Variants in ZNF717 observed in about 807,000 individuals in gnomAD.
The protein encoded by ZNF717 is krueppel-like factor X17.
In ZNF717, 9 loss-of-function variants were observed where a neutral mutation model predicts 13.8. That is an observed-to-expected ratio of 0.65 (90% CI 0.39 to 1.14). The LOEUF (loss-of-function observed/expected upper bound fraction) is 1.14. Ranked by LOEUF, ZNF717 falls within the 50% of genes most tolerant of loss-of-function variation. ZNF717 has a pLI of 0.01. For missense variants in ZNF717, 1,040 were observed against 1,080.7 expected, an observed-to-expected ratio of 0.96 and a Z score of 0.53; for synonymous variants, 327 against 364.1, an observed-to-expected ratio of 0.90 and a Z score of 1.16.
intron 2 of ZNF717, among the ~76,000 whole-genome samples, chr3:75,764,078 A>T (rs1326122382): frequency 6.6e-6 from 1 of 152,196 alleles, no homozygotes; most frequent in Non-Finnish European, 1.5e-5. Context: ...GACCCTACAC[A>T]GGATTCCCAG....
At chr3:75,761,269 G>A (rs1456764092) in intron 2 of ZNF717, among the ~76,000 whole-genome samples, 1 of 152,238 alleles carries the variant, frequency 6.6e-6, no homozygotes, top group African/African-American at 2.4e-5. Flanking sequence ...AAAACCAGGA[G>A]GGGACATTCC....
intron 6 of ZNF717, among the ~76,000 whole-genome samples, chr3:75,703,926 A>G (rs530503615): frequency 6.6e-6 from 1 of 152,274 alleles, no homozygotes; most frequent in East Asian, 1.9e-4. Flanking sequence ...GCTGGCCACA[A>G]ATTACAATTG....
downstream of ZNF717, among the ~76,000 whole-genome samples, chr3:75,708,489 A>G (rs1481601566): frequency 3.3e-5 from 5 of 152,204 alleles, no homozygotes; most frequent in African/African-American, 7.2e-5. Context: ...TCAAAGACCA[A>G]AAGTAGATAA....
intron 2 of ZNF717, among the ~76,000 whole-genome samples, chr3:75,781,226 C>G (rs1270177087): frequency 6.6e-6 from 1 of 152,266 alleles, no homozygotes; most frequent in East Asian, 1.9e-4. Context: ...CTTGGCCAAT[C>G]CCAGTGGCCA....
chr3:75,723,516 T>A (rs1273543110), intron 4 of ZNF717, among the ~76,000 whole-genome samples: 1 of 152,274 alleles, frequency 6.6e-6, no homozygotes, highest in African/African-American at 2.4e-5. Context: ...TATGTGAATA[T>A]TAATAATCAT....
rs1355684990 is a variant in ZNF717 at position 75,774,590 on chromosome 3, G to C, written c.57+8716C>G. On this transcript the variant is annotated intron_variant, in intron 2 of 4. Coordinates refer to ENST00000652011, the MANE Select transcript of ZNF717 (RefSeq NM_001290208.3). ...CATCAATCCATTCTAAAATTGTATA[G>C]AATTTCTAAAATTCTTGTGGTTTTT... Among the ~76,000 whole-genome samples the C allele has an allele frequency of 2.1e-5, 3 of 142,748 alleles. No individual in the cohort carries two copies. In the Admixed American group the frequency reaches 2.1e-4, roughly 10 times the overall value. The allele number at this position is 142,748 out of a possible 152,430, so 93.6% of individuals were successfully genotyped here.
At chr3:75,761,246 C>CA (rs1017829517) in intron 2 of ZNF717, among the ~76,000 whole-genome samples, 4 of 152,310 alleles carry the variant, frequency 2.6e-5, no homozygotes, top group Non-Finnish European at 4.4e-5. Flanking sequence ...GCAAAATATT[C>CA]AAAAAATGTT....
In ZNF717 at chr3:75,737,612, C is replaced by G; in HGVS notation, c.2011G>C (p.Gly671Arg). Reference protein sequence around the residue: ...FLTIHQRTHTGKNRMDVMNVE... With the variant: ...FLTIHQRTHTRKNRMDVMNVE... Reference sequence around the variant, plus strand: ...TTCATTACATCCATACGGTTTTTCCCCGTGTGAGTTCTCTGGTGTATGGTG... The same window carrying G: ...TTCATTACATCCATACGGTTTTTCCGCGTGTGAGTTCTCTGGTGTATGGTG... The change falls in exon 5 of 5, where the codon GGG becomes CGG. Residue 671 changes from glycine (G) to arginine (R), a missense_variant. Physicochemically the swap from Gly to Arg is moderately radical, Grantham distance 125. Transcript: ENST00000652011. 1.3e-6 allele frequency: 2 copies of G among 1,543,998 alleles called. No homozygotes were observed. Among genetic ancestry groups the G allele is most frequent in the Non-Finnish European group, 1.8e-6 (2 of 1,141,836 alleles).
intron 2 of ZNF717, among the ~76,000 whole-genome samples, chr3:75,743,461 C>CA (rs1447638909): frequency 0.043 from 6,551 of 152,142 alleles, 276 homozygotes; most frequent in African/African-American, 0.15. Context: ...TTCTACGGGA[C>CA]AAAAAATTGC....
chr3:75,713,794 C>G (rs1937992814), intron 5 of ZNF717, among the ~76,000 whole-genome samples: 1 of 152,018 alleles, frequency 6.6e-6, no homozygotes. Context: ...GGGACCACTA[C>G]CACCTAGACA....
chr3:75,701,721 T>A (rs1937700844), intron 6 of ZNF717, among the ~76,000 whole-genome samples: 1 of 152,274 alleles, frequency 6.6e-6, no homozygotes, highest in South Asian at 2.1e-4. Context: ...GTCTCGAGTA[T>A]TTTTTTATAG....
chr3:75,702,524 A>C (rs1449636634), intron 6 of ZNF717, among the ~76,000 whole-genome samples: 1 of 23,122 alleles, frequency 4.3e-5, no homozygotes, highest in East Asian at 3.1e-3. Flanking sequence ...GGGTTAAAAC[A>C]ATTGTTAGAA....
At chr3:75,694,886 A>T (rs1425487776) in intron 6 of ZNF717, among the ~76,000 whole-genome samples, 1 of 152,224 alleles carries the variant, frequency 6.6e-6, no homozygotes, top group Non-Finnish European at 1.5e-5. Context: ...ATAATACAAG[A>T]GAAATCACCT....
chr3:75,761,072 C>A (rs1368940056), intron 2 of ZNF717, among the ~76,000 whole-genome samples: 4 of 152,086 alleles, frequency 2.6e-5, no homozygotes, highest in African/African-American at 9.7e-5. Flanking sequence ...AAACACAAAC[C>A]ACCATACTGC....
At chr3:75,704,297 T>G (rs1168762938) in intron 6 of ZNF717, among the ~76,000 whole-genome samples, 2 of 152,424 alleles carry the variant, frequency 1.3e-5, no homozygotes, top group East Asian at 3.9e-4. Context: ...GATCTAAGAA[T>G]CCTACTTTTT....
intron 2 of ZNF717, among the ~76,000 whole-genome samples, chr3:75,775,410 T>A (rs547547613): frequency 6.6e-6 from 1 of 152,330 alleles, no homozygotes; most frequent in African/African-American, 2.4e-5. Context: ...CATGCAAAAT[T>A]CTAGAATATG....
chr3:75,704,355 A>G (rs1329788579), intron 6 of ZNF717, among the ~76,000 whole-genome samples: 1 of 152,304 alleles, frequency 6.6e-6, no homozygotes, highest in East Asian at 1.9e-4. Flanking sequence ...CGGCAATATC[A>G]TGAAGGGACG....
At chr3:75,759,205 T>C (rs1029507003) in intron 2 of ZNF717, among the ~76,000 whole-genome samples, 1 of 152,030 alleles carries the variant, frequency 6.6e-6, no homozygotes, top group Non-Finnish European at 1.5e-5. Context: ...ATATCTCTGA[T>C]GCATGGCCGT....
chr3:75,745,424 G>T (rs1394152443), intron 2 of ZNF717, among the ~76,000 whole-genome samples: 1 of 151,944 alleles, frequency 6.6e-6, no homozygotes, highest in Non-Finnish European at 1.5e-5. Context: ...ATTGTGAAAA[G>T]GTCAAATCTA....
Sources: allele counts gnomAD v4.1 joint callset (sites outside exome capture counted in the v4.1 genomes callset), GRCh38; gene constraint gnomAD v4.1.1; transcripts MANE v1.5; gene names NCBI Gene and HGNC (gene_info 2026-07-23, HGNC 2026-07-21).